PAPPA: variants seen among roughly 807,000 people sequenced by gnomAD.
PAPPA encodes the protein pappalysin-1.
A neutral mutation model predicts 164.0 loss-of-function variants in PAPPA; 60 were observed. The observed-to-expected ratio is 0.37, with a 90% confidence interval of 0.30 to 0.45. PAPPA has a LOEUF of 0.45. Among genes scored for constraint, PAPPA ranks in the 20% least tolerant of loss-of-function variants. The pLI, the probability that PAPPA is intolerant of heterozygous loss-of-function variation, is 1.00. For synonymous variants in PAPPA, 875 were observed against 814.1 expected (o/e 1.07, Z -1.27); for missense variants, 1,782 against 2,087.3 (o/e 0.85, Z 2.85).
intron 5 of PAPPA, among the ~76,000 whole-genome samples, chr9:116,225,163 C>G (rs1844490653): frequency 1.3e-5 from 2 of 152,202 alleles, no homozygotes; most frequent in African/African-American, 4.8e-5. Flanking sequence ...CAGCATGGTT[C>G]CTGAATTCAT....
chr9:116,351,794 T>C (rs1436824375), intron 15 of PAPPA, among the ~76,000 whole-genome samples: 1 of 152,168 alleles, frequency 6.6e-6, no homozygotes, highest in Non-Finnish European at 1.5e-5. Flanking sequence ...GCCCAGTAGA[T>C]GTCAGTTTTC....
rs1588036059 is a variant in PAPPA at position 116,398,368 on chromosome 9, A to G, written c.*1752A>G. 1 of 335,232 alleles carries G rather than the reference A, an allele frequency of 3.0e-6. No homozygotes were observed. Among genetic ancestry groups the G allele is most frequent in the East Asian group, 8.0e-5 (1 of 12,572 alleles). The allele number at this position is 335,232 out of a possible 1,614,324, so 20.8% of individuals were successfully genotyped here. A position where few individuals can be genotyped will look rare whatever the true frequency, so the allele number is the denominator to read the frequency against. On this transcript the variant is annotated 3_prime_UTR_variant, in exon 22 of 22. Coordinates refer to ENST00000328252, the MANE Select transcript of PAPPA (RefSeq NM_002581.5). ...AATCAAGTCATCTCAAGTCTAGTGA[A>G]GACAGCCAACAGAAACAAAACCTAG...
chr9:116,332,501 C>T lies in PAPPA; in HGVS notation c.3397+33C>T, dbSNP rs535515908. On this transcript the variant is annotated intron_variant, in intron 12 of 21. Transcript: ENST00000328252. ...TGCTCTCTTGGTCTTGGCTTGCTTT[C>T]AGTACCTGATTCCACCTCTGCCCCA... The T allele has an allele frequency of 1.0e-5, 16 of 1,588,448 alleles. No individual in the cohort carries two copies. In the African/African-American group the frequency reaches 1.1e-4, roughly 11 times the overall value.
Position 116,332,445 on chromosome 9 carries a change from C to T in PAPPA, c.3374C>T (p.Thr1125Ile), listed in dbSNP as rs746717008. The T allele has an allele frequency of 1.4e-5, 23 of 1,613,558 alleles. No homozygotes were observed. Among genetic ancestry groups the T allele is most frequent in the Non-Finnish European group, 1.8e-5 (21 of 1,179,608 alleles). The change falls in exon 12 of 22, where the codon ACC becomes ATC. Residue 1125 changes from threonine to isoleucine, a missense_variant. Thr to Ile is a moderately conservative substitution (Grantham distance 89). Transcript: ENST00000328252. The stretch of plus-strand genomic sequence containing the variant: ...ACCATCAGCGTGCAGCTGCTTGATA[C>T]CAAAGATCAGAGCCACGATCTAGGT... ...QETISVQLLD[T>I]KDQSHDLGLH...
intron 9 of PAPPA, among the ~76,000 whole-genome samples, chr9:116,281,859 G>C (rs1416217350): frequency 6.6e-6 from 1 of 152,112 alleles, no homozygotes; most frequent in Admixed American, 6.5e-5. Flanking sequence ...CCATCCTCTT[G>C]ATTTTCCCAA....
At chr9:116,382,225 T>C (rs1846741586) in intron 20 of PAPPA, among the ~76,000 whole-genome samples, 170 bp from the exon 21 acceptor site, 1 of 152,228 alleles carries the variant, frequency 6.6e-6, no homozygotes, top group African/African-American at 2.4e-5. Context: ...TCTTTATGAA[T>C]GGTAGAGGTG....
At chr9:116,326,578 A>G (rs1024042399) in intron 10 of PAPPA, among the ~76,000 whole-genome samples, 5 of 148,296 alleles carry the variant, frequency 3.4e-5, no homozygotes, top group African/African-American at 1.3e-4. Flanking sequence ...TTTATTTTTT[A>G]TTGTGGGAAG....
rs183294068 is a variant in PAPPA at position 116,253,113 on chromosome 9, T to C, written c.2733-12744T>C. Among the ~76,000 whole-genome samples the C allele has an allele frequency of 2.0e-5, 3 of 152,018 alleles. No homozygotes were observed. In the East Asian group the frequency reaches 5.8e-4, roughly 29 times the overall value. ...GCAAAATGTGTGCTCACTTTTGTAATAAAGTATGGGACACTAAGGATACCT... is the reference window on the plus strand; with the variant it reads ...GCAAAATGTGTGCTCACTTTTGTAACAAAGTATGGGACACTAAGGATACCT... On this transcript the variant is annotated intron_variant, in intron 7 of 21. Transcript: ENST00000328252.
chr9:116,393,584 G>A (rs529749126), intron 21 of PAPPA, among the ~76,000 whole-genome samples: 85 of 152,262 alleles, frequency 5.6e-4, no homozygotes, highest in Middle Eastern at 6.8e-3. Flanking sequence ...TGAAGGTGAT[G>A]GTGCTATTAG....
At chr9:116,336,989 T>C (rs1212949113) in intron 13 of PAPPA, among the ~76,000 whole-genome samples, 1 of 152,224 alleles carries the variant, frequency 6.6e-6, no homozygotes, top group Non-Finnish European at 1.5e-5. Context: ...AACAGTATCT[T>C]ATTTTATTAT....
In PAPPA at chr9:116,332,477, G is replaced by A. The variant is rs1479265464; in HGVS notation, c.3397+9G>A. Reference sequence around the variant, plus strand: ...TCAGAGCCACGATCTAGGTAAGCATGCTCTCTTGGTCTTGGCTTGCTTTCA... The same window carrying A: ...TCAGAGCCACGATCTAGGTAAGCATACTCTCTTGGTCTTGGCTTGCTTTCA... On this transcript the variant is annotated intron_variant, in intron 12 of 21. Transcript: ENST00000328252. 6.2e-7 allele frequency: 1 copy of A among 1,607,660 alleles called. No homozygotes were observed. Among genetic ancestry groups the A allele is most frequent in the African/African-American group, 1.3e-5 (1 of 74,946 alleles).
intron 13 of PAPPA, among the ~76,000 whole-genome samples, chr9:116,335,682 G>C (rs879426824): frequency 6.6e-6 from 1 of 152,142 alleles, no homozygotes; most frequent in Non-Finnish European, 1.5e-5. Flanking sequence ...AGCTACAAGC[G>C]AGTGGAGTTT....
At chr9:116,329,010 A>ACCATGTG (rs1845955886) in intron 10 of PAPPA, among the ~76,000 whole-genome samples, 2 of 152,238 alleles carry the variant, frequency 1.3e-5, no homozygotes, top group Non-Finnish European at 2.9e-5. Context: ...TTATAATGCA[A>ACCATGTG]CCATGTGCTT....
intron 9 of PAPPA, among the ~76,000 whole-genome samples, chr9:116,279,680 A>G (rs1457139699): frequency 2.6e-5 from 4 of 152,216 alleles, no homozygotes; most frequent in Admixed American, 2.0e-4. Flanking sequence ...TGGGTAGCCA[A>G]GAACAAGGAC....
chr9:116,393,436 C>A (rs1015681589), intron 21 of PAPPA, among the ~76,000 whole-genome samples: 2 of 152,172 alleles, frequency 1.3e-5, no homozygotes, highest in African/African-American at 2.4e-5. Flanking sequence ...TTCATTTGTT[C>A]ATTCATTCAT....
At chr9:116,306,387 T>G (rs1845646709) in intron 10 of PAPPA, among the ~76,000 whole-genome samples, 1 of 152,234 alleles carries the variant, frequency 6.6e-6, no homozygotes, top group Non-Finnish European at 1.5e-5. Flanking sequence ...CTGCCATATC[T>G]AATGGTTTCC....
At chr9:116,243,132 A>G (rs1243180568) in intron 7 of PAPPA, among the ~76,000 whole-genome samples, 1 of 152,234 alleles carries the variant, frequency 6.6e-6, no homozygotes, top group African/African-American at 2.4e-5. Flanking sequence ...AGAGGGAAAT[A>G]GCATTTATGC....
intron 9 of PAPPA, among the ~76,000 whole-genome samples, chr9:116,281,670 G>C (rs1845269075): frequency 6.6e-6 from 1 of 152,146 alleles, no homozygotes; most frequent in African/African-American, 2.4e-5. Context: ...CTGGCTACCA[G>C]GTATTGTTAA....
chr9:116,214,913 A>G (rs760274340), intron 4 of PAPPA, among the ~76,000 whole-genome samples: 7 of 152,232 alleles, frequency 4.6e-5, no homozygotes, highest in Non-Finnish European at 8.8e-5. Context: ...GTCAATTGGT[A>G]TGCTTAAAGA....
Sources: allele counts gnomAD v4.1 joint callset (sites outside exome capture counted in the v4.1 genomes callset), GRCh38; gene constraint gnomAD v4.1.1; transcripts MANE v1.5; gene names NCBI Gene and HGNC (gene_info 2026-07-23, HGNC 2026-07-21).